The following WDR27 variants were observed in gnomAD, a reference collection of about 807,000 sequenced individuals.
WDR27 encodes the protein WD repeat-containing protein 27.
In WDR27, 100 loss-of-function variants were observed where a neutral mutation model predicts 114.4. The observed-to-expected ratio is 0.87, with a 90% CI of 0.74 to 1.03. The LOEUF (loss-of-function observed/expected upper bound fraction) is 1.03. Ranked by LOEUF, WDR27 falls within the 50% of genes least tolerant of loss-of-function variation. The pLI is 0.00. For synonymous variants in WDR27, 449 were observed against 423.1 expected, an observed-to-expected ratio of 1.06 and a Z score of -0.75; for missense variants, 1,129 against 1,092.9, an observed-to-expected ratio of 1.03 and a Z score of -0.47.
At chr6:169,603,180 C>T (rs1229148954) in intron 22 of WDR27, among the ~76,000 whole-genome samples, 15 of 149,570 alleles carry the variant, frequency 1.0e-4, no homozygotes, top group Non-Finnish European at 2.2e-4. Flanking sequence ...GACAGAGTCT[C>T]GCTCTGTCAC....
chr6:169,583,302 A>C (rs1468276865), intron 23 of WDR27, among the ~76,000 whole-genome samples: 1 of 75,746 alleles, frequency 1.3e-5, no homozygotes, highest in Non-Finnish European at 2.1e-5. Flanking sequence ...AATTGAATGG[A>C]AAAAAAAAAA....
intron 21 of WDR27, among the ~76,000 whole-genome samples, chr6:169,617,293 CG>C (rs906389216): frequency 3.9e-5 from 6 of 152,148 alleles, no homozygotes; most frequent in Non-Finnish European, 7.4e-5. Flanking sequence ...CTTGAGGAGG[CG>C]GTGCCTGATG....
rs1044591677 is a variant in WDR27 at position 169,480,001 on chromosome 6, A to G, written c.2646-22367T>C. ...GCCCCTCTCTGGGCTGGCCAAGGCC[A>G]GAGCCGGCTCCCTCTGCTTGCGGGG... On this transcript the variant is annotated intron_variant, in intron 25 of 25. Coordinates refer to ENST00000448612, the MANE Select transcript of WDR27 (RefSeq NM_182552.5). Among the ~76,000 whole-genome samples, 67 of 152,218 alleles carry G rather than the reference A, an allele frequency of 4.4e-4. 2 individuals are homozygous for G. The highest frequency in any genetic ancestry group is 2.0e-4 in the Admixed American group (3 of 15,288).
At chr6:169,667,109 C>A (rs1389050264) in intron 6 of WDR27, 27 bp downstream of exon 6, 28 of 1,490,026 alleles carry the variant, frequency 1.9e-5, no homozygotes, top group Non-Finnish European at 2.4e-5. Context: ...AACCTATTTA[C>A]AGAAAACATG....
At chr6:169,666,873 GACAGCA>G in intron 6 of WDR27, 1 of 985,448 alleles carries the variant, frequency 1.0e-6, no homozygotes, top group Non-Finnish European at 1.2e-6. Flanking sequence ...CATTTTATCT[GACAGCA>G]AACGTGCTTT....
Position 169,573,848 on chromosome 6 carries a change from C to T in WDR27, c.2524-1308G>A, listed in dbSNP as rs118122362. ...TTCACACTCAGGGACCCATCAGTTA[C>T]ATCACAGCTTTCTTTCGTCTTTTGC... On this transcript the variant is annotated intron_variant, in intron 24 of 25. Transcript: ENST00000448612. Among the ~76,000 whole-genome samples the T allele has an allele frequency of 1.7e-3, 259 of 152,342 alleles. 1 individual carries two copies. Among genetic ancestry groups the T allele is most frequent in the Non-Finnish European group, 2.5e-3 (170 of 68,020 alleles).
rs367953308 is a variant in WDR27, at chr6:169,647,795, A to C, written c.1635T>G (p.Arg545=). 6.3e-7 allele frequency: 1 copy of C among 1,584,066 alleles called. No homozygotes were observed. Among genetic ancestry groups the C allele is most frequent in the South Asian group, 1.2e-5 (1 of 86,244 alleles). Residue 545 remains arginine, a synonymous_variant, in exon 16 of 26, where the codon CGT becomes CGG. Transcript: ENST00000448612. ...CACCTGAGTACTGGATGCAGCATAC[A>C]CGTGTGCAGGTGGGGGCGGCAGCGA... ...PQVAAAPTCT[R]VCCIQYSGDG... is the part of the protein sequence containing the mutation.
chr6:169,643,654 C>A, intron 17 of WDR27, 43 bp downstream of exon 17: 4 of 1,541,260 alleles, frequency 2.6e-6, no homozygotes, highest in Non-Finnish European at 3.6e-6. Context: ...TAAGTGAGAC[C>A]CATCCTTAAG....
intron 17 of WDR27, among the ~76,000 whole-genome samples, chr6:169,640,781 C>T (rs1391332600): frequency 1.3e-5 from 2 of 151,914 alleles, no homozygotes; most frequent in Non-Finnish European, 2.9e-5. Context: ...CCATGTGGCG[C>T]ACTGTCTTCC....
intron 25 of WDR27, among the ~76,000 whole-genome samples, chr6:169,553,585 G>C (rs1337108656): frequency 1.3e-5 from 2 of 152,114 alleles, no homozygotes; most frequent in Non-Finnish European, 2.9e-5. Context: ...TAGTGGCCAG[G>C]GGTCAACCTC....
At chr6:169,536,709 A>C (rs1466562198) in intron 25 of WDR27, among the ~76,000 whole-genome samples, 2 of 152,166 alleles carry the variant, frequency 1.3e-5, no homozygotes, top group Admixed American at 6.5e-5. Context: ...GTTAAGTCAG[A>C]CACAAACCAG....
chr6:169,507,702 A>G lies in WDR27; in HGVS notation c.2646-50068T>C, dbSNP rs554177624. Among the ~76,000 whole-genome samples the G allele has an allele frequency of 4.2e-4, 64 of 152,348 alleles. 1 individual carries two copies. In the South Asian group the frequency reaches 0.013, roughly 30 times the overall value. ...TCTGCATATCCAGTAGATAAGAATAATGTTTATATTTTGAAATGGTTGAAA... is the reference window on the plus strand; with the variant it reads ...TCTGCATATCCAGTAGATAAGAATAGTGTTTATATTTTGAAATGGTTGAAA... On this transcript the variant is annotated intron_variant, in intron 25 of 25. Coordinates refer to ENST00000448612, the MANE Select transcript of WDR27 (RefSeq NM_182552.5).
At chr6:169,513,719 GTTTA>G (rs572973936) in intron 25 of WDR27, among the ~76,000 whole-genome samples, 11 of 148,160 alleles carry the variant, frequency 7.4e-5, no homozygotes, top group Non-Finnish European at 1.2e-4. Context: ...TAAACAATGT[GTTTA>G]TTTATAAGTA....
intron 25 of WDR27, among the ~76,000 whole-genome samples, chr6:169,562,666 G>A (rs575681468): frequency 1.6e-4 from 24 of 152,188 alleles, no homozygotes; most frequent in Non-Finnish European, 3.1e-4. Context: ...GGAGATTGGA[G>A]GGGACATGGG....
intron 22 of WDR27, among the ~76,000 whole-genome samples, chr6:169,605,659 C>G (rs1214182075): frequency 6.7e-6 from 1 of 148,560 alleles, no homozygotes; most frequent in African/African-American, 2.5e-5. Flanking sequence ...CAAAGTAATC[C>G]TAAATAAAAA....
rs189362820 is a variant in WDR27, at chr6:169,687,609, A to T, written c.189+1208T>A. 8.7e-4 allele frequency among the ~76,000 whole-genome samples: 132 copies of T among 152,338 alleles called. 1 individual carries two copies. Among genetic ancestry groups the T allele is most frequent in the African/African-American group, 3.2e-3 (131 of 41,578 alleles). ...CAACTGAAAGTCACACACCATTAGA[A>T]GAAATACAGATTGGTACAACCAATT... On this transcript the variant is annotated intron_variant, in intron 2 of 25. Transcript: ENST00000448612.
At chr6:169,441,780 CT>C in the WDR27 span, among the ~76,000 whole-genome samples, 1 of 152,178 alleles carries the variant, frequency 6.6e-6, no homozygotes, top group African/African-American at 2.4e-5. Flanking sequence ...CTTCTTTCTT[CT>C]TTGGACATAC....
chr6:169,652,619 G>T (rs571729123), intron 13 of WDR27, among the ~76,000 whole-genome samples: 1 of 152,324 alleles, frequency 6.6e-6, no homozygotes, highest in East Asian at 1.9e-4. Context: ...TACCACAAGG[G>T]TAAGTGTTGT....
At chr6:169,658,178 A>G in intron 13 of WDR27, 98 bp downstream of exon 13, 2 of 955,404 alleles carry the variant, frequency 2.1e-6, no homozygotes, top group Non-Finnish European at 3.3e-6. Flanking sequence ...CGGAATGCAT[A>G]TTTTAACATA....
Sources: allele counts gnomAD v4.1 joint callset (sites outside exome capture counted in the v4.1 genomes callset), GRCh38; gene constraint gnomAD v4.1.1; transcripts MANE v1.5; gene names NCBI Gene and HGNC (gene_info 2026-07-23, HGNC 2026-07-21).